Variants in USH2A observed in about 807,000 individuals in gnomAD.
USH2A encodes the protein Usher syndrome 2A (autosomal recessive, mild).
A neutral mutation model predicts 538.9 loss-of-function variants in USH2A; 443 were observed. The observed-to-expected ratio is 0.82, with a 90% CI of 0.76 to 0.89. The LOEUF (loss-of-function observed/expected upper bound fraction) is 0.89. Ranked by LOEUF, USH2A falls within the 40% of genes least tolerant of loss-of-function variation. The pLI, the probability that USH2A is intolerant of heterozygous loss-of-function variation, is 0.00. For missense variants in USH2A, 6,633 were observed against 6,324.8 expected (o/e 1.05, Z -1.65); for synonymous variants, 2,413 against 2,273.5 (o/e 1.06, Z -1.75).
chr1:216,272,845 G>C (rs537749033), intron 11 of USH2A, among the ~76,000 whole-genome samples: 75 of 152,192 alleles, frequency 4.9e-4, no homozygotes, highest in Middle Eastern at 3.4e-3. Flanking sequence ...CAACAAACGA[G>C]CTTGAGCTTT....
intron 4 of USH2A, among the ~76,000 whole-genome samples, chr1:216,359,372 C>T (rs2038448374): frequency 6.6e-6 from 1 of 152,024 alleles, no homozygotes; most frequent in African/African-American, 2.4e-5. Flanking sequence ...AAACATACAT[C>T]ATCTCACATA....
chr1:216,152,342 C>G (rs2033853806), intron 21 of USH2A, among the ~76,000 whole-genome samples: 1 of 152,146 alleles, frequency 6.6e-6, no homozygotes, highest in Non-Finnish European at 1.5e-5. Context: ...TGACATTCCA[C>G]CACAAAAGAA....
chr1:216,281,865 G>GTTTTTTTTTTTTTTTTTT (rs766030449), intron 11 of USH2A, among the ~76,000 whole-genome samples: 1 of 96,474 alleles, frequency 1.0e-5, no homozygotes, highest in Non-Finnish European at 1.9e-5. Flanking sequence ...GTTTTTGTCT[G>GTTTTTTTTTTTTTTTTTT]TTTTTTTTTT....
intron 32 of USH2A, among the ~76,000 whole-genome samples, chr1:216,005,550 T>C (rs1668371725): frequency 6.6e-6 from 1 of 152,160 alleles, no homozygotes; most frequent in Admixed American, 6.5e-5. Flanking sequence ...GATATCCCCA[T>C]GCCCTCTACC....
At chr1:215,732,956 C>G (rs1344243532) in intron 60 of USH2A, among the ~76,000 whole-genome samples, 1 of 152,086 alleles carries the variant, frequency 6.6e-6, no homozygotes, top group Non-Finnish European at 1.5e-5. Flanking sequence ...TCATATCCTT[C>G]TATGTGCTAC....
intron 70 of USH2A, chr1:215,629,968 G>C: frequency 2.6e-6 from 1 of 382,718 alleles, no homozygotes; most frequent in African/African-American, 2.1e-5. Context: ...GTAGAGACGG[G>C]GTTTCACCGT....
At chr1:216,028,469 T>G (rs962792874) in intron 32 of USH2A, among the ~76,000 whole-genome samples, 2 of 152,046 alleles carry the variant, frequency 1.3e-5, no homozygotes, top group Non-Finnish European at 2.9e-5. Context: ...TTTGAAAGTA[T>G]AAATTATCAA....
intron 9 of USH2A, 22 bp downstream of exon 9, chr1:216,321,861 C>G: frequency 6.3e-7 from 1 of 1,598,154 alleles, no homozygotes; most frequent in Non-Finnish European, 8.6e-7. Flanking sequence ...TTTTAGATTT[C>G]CATGCATAAA....
At chr1:216,264,700 T>C (rs2036439266) in intron 11 of USH2A, among the ~76,000 whole-genome samples, 1 of 152,152 alleles carries the variant, frequency 6.6e-6, no homozygotes, top group Non-Finnish European at 1.5e-5. Flanking sequence ...TACAGCATGA[T>C]ACTGTCGTAA....
chr1:215,637,959 A>T (rs1656549976), intron 69 of USH2A, among the ~76,000 whole-genome samples: 1 of 152,196 alleles, frequency 6.6e-6, no homozygotes, highest in Admixed American at 6.5e-5. Flanking sequence ...ATAAAGTATC[A>T]CAAATTTAGA....
intron 43 of USH2A, among the ~76,000 whole-genome samples, chr1:215,867,449 C>A (rs1429109846): frequency 6.6e-6 from 1 of 152,142 alleles, no homozygotes; most frequent in East Asian, 1.9e-4. Context: ...TGTGGTTTAT[C>A]ATTTTCTTAT....
chr1:216,230,871 ATCTCACTCTCTC>A (rs1357078186), intron 14 of USH2A, among the ~76,000 whole-genome samples: 2 of 74,994 alleles, frequency 2.7e-5, no homozygotes, highest in Middle Eastern at 5.7e-3. Context: ...CAAGCTCATA[ATCTCACTCTCTC>A]TCTCTCTCTC....
At chr1:216,398,460 G>A (rs2039253185) in intron 3 of USH2A, among the ~76,000 whole-genome samples, 1 of 151,920 alleles carries the variant, frequency 6.6e-6, no homozygotes, top group South Asian at 2.1e-4. Context: ...GGAAAATGTT[G>A]GCCTACAAGA....
At chr1:216,304,064 T>A (rs1225372370) in intron 9 of USH2A, among the ~76,000 whole-genome samples, 1 of 151,992 alleles carries the variant, frequency 6.6e-6, no homozygotes, top group East Asian at 1.9e-4. Flanking sequence ...TTAAGGGAAA[T>A]TATACTGAAA....
chr1:215,671,027 C>T lies in USH2A; in HGVS notation c.14078G>A (p.Ser4693Asn). 6.2e-7 allele frequency: 1 copy of T among 1,614,152 alleles called. No individual in the cohort carries two copies. The highest frequency in any genetic ancestry group is 8.5e-7 in the Non-Finnish European group (1 of 1,180,012). ...KSNPVLIYNG[S>N]STSFIDSELL... Reference sequence around the variant, plus strand: ...TTCGGAATCTATAAAAGATGTTGAGCTTCCGTTATAGATTAGGACTGGATT... The same window carrying T: ...TTCGGAATCTATAAAAGATGTTGAGTTTCCGTTATAGATTAGGACTGGATT... The change falls in exon 64 of 72, where the codon AGC becomes AAC. Residue 4693 changes from serine (S) to asparagine (N), a missense_variant. Physicochemically the swap from Ser to Asn is conservative, Grantham distance 46 (BLOSUM62 1). Transcript: ENST00000307340.
At chr1:216,419,324 A>C (rs990939395) in intron 2 of USH2A, among the ~76,000 whole-genome samples, 1 of 152,184 alleles carries the variant, frequency 6.6e-6, no homozygotes, top group South Asian at 2.1e-4. Flanking sequence ...AAGGTCCTTC[A>C]GCCTTCTAGA....
intron 21 of USH2A, among the ~76,000 whole-genome samples, chr1:216,164,818 A>G (rs1195836661): frequency 6.6e-6 from 1 of 152,152 alleles, no homozygotes; most frequent in Admixed American, 6.6e-5. Context: ...TGAAGTCCAG[A>G]ATTACAGAAT....
At chr1:215,766,833 TTTA>T in intron 55 of USH2A, 45 bp from the exon 56 acceptor site, 1 of 1,530,998 alleles carries the variant, frequency 6.5e-7, no homozygotes, top group South Asian at 1.1e-5. Flanking sequence ...AAGAGGATTA[TTTA>T]TTATCAATTA....
At chr1:215,683,326 T>C (rs1183764654) in intron 61 of USH2A, among the ~76,000 whole-genome samples, 2 of 152,152 alleles carry the variant, frequency 1.3e-5, no homozygotes, top group East Asian at 3.8e-4. Flanking sequence ...TGTCAATGTT[T>C]AGTAAAAGCT....
Sources: gnomAD v4.1 joint callset for allele counts (sites outside exome capture counted in the v4.1 genomes callset) on GRCh38, gnomAD v4.1.1 for gene constraint, MANE v1.5 for transcripts, NCBI Gene and HGNC (gene_info 2026-07-23, HGNC 2026-07-21) for gene names.